The following ALDH1L1 variants were observed in gnomAD, a reference collection of about 807,000 sequenced individuals.
ALDH1L1 encodes aldehyde dehydrogenase 1 family member L1, also known as cytosolic 10-formyltetrahydrofolate dehydrogenase.
A neutral mutation model predicts 101.1 loss-of-function variants in ALDH1L1; 68 were observed. That is an observed-to-expected ratio of 0.67 (90% CI 0.55 to 0.82). The LOEUF is 0.82. ALDH1L1 is among the 40% of genes least tolerant of loss of function. The probability of loss-of-function intolerance (pLI) is 0.00; values close to 1 mark genes in which losing one functional copy is unlikely to be tolerated. For synonymous variants in ALDH1L1, 486 were observed against 470.8 expected, an observed-to-expected ratio of 1.03 and a Z score of -0.42; for missense variants, 1,087 against 1,172.7, an observed-to-expected ratio of 0.93 and a Z score of 1.07.
chr3:126,103,736 G>A lies in ALDH1L1; in HGVS notation c.*55C>T, dbSNP rs1012096859. The A allele has an allele frequency of 1.4e-5, 23 of 1,586,682 alleles. No homozygotes were observed. The highest frequency in any genetic ancestry group is 1.8e-5 in the Non-Finnish European group (21 of 1,161,154). On this transcript the variant is annotated 3_prime_UTR_variant, in exon 23 of 23. Transcript: ENST00000393434. ...GCTGTGCACCCAGGCTCAAGAGGGA[G>A]GGGGCCCCAGCCACGAGGGAGGGGC...
At chr3:126,185,678 C>T (rs1200496461), upstream of ALDH1L1, among the ~76,000 whole-genome samples, 3 of 152,050 alleles carry the variant, frequency 2.0e-5, no homozygotes, top group African/African-American at 7.3e-5. Context: ...GTCACGAGGC[C>T]ACAACATGGG....
In ALDH1L1 at chr3:126,158,573, GCCTGT is replaced by G. The variant is rs753040828; in HGVS notation, c.189_193del (p.Gln64PhefsTer3). On this transcript the variant is annotated frameshift_variant, in exon 3 of 23. Coordinates refer to ENST00000393434, the MANE Select transcript of ALDH1L1 (RefSeq NM_012190.4). LOFTEE classifies it high-confidence loss of function. Reference sequence around the variant, plus strand: ...GTATTTTGCCACCACATCAGGCAAAGCCTGTCCTTTTGCACGCCACCGGGAGTACT... The same window carrying G: ...GTATTTTGCCACCACATCAGGCAAAGCCTTTTGCACGCCACCGGGAGTACT... 6.2e-7 allele frequency: 1 copy of G among 1,614,108 alleles called. No homozygotes were observed. Among genetic ancestry groups the G allele is most frequent in the African/African-American group, 1.3e-5 (1 of 74,950 alleles).
In ALDH1L1 at chr3:126,112,769, G is replaced by T; in HGVS notation, c.2181+13C>A. The T allele has an allele frequency of 6.2e-7, 1 of 1,611,948 alleles. No homozygotes were observed. Among genetic ancestry groups the T allele is most frequent in the Non-Finnish European group, 8.5e-7 (1 of 1,179,678 alleles). ...GTGAACCAGCCGCCCGCAGACCCTG[G>T]GGCAGGACTTACCACTCTCCGCACG... On this transcript the variant is annotated intron_variant, in intron 19 of 22. Coordinates refer to ENST00000393434, the MANE Select transcript of ALDH1L1 (RefSeq NM_012190.4).
At chr3:126,178,380 C>CAAAAAAAAAAAAAAAAAAAA (rs56979863) in intron 1 of ALDH1L1, among the ~76,000 whole-genome samples, 1 of 73,468 alleles carries the variant, frequency 1.4e-5, no homozygotes, top group Non-Finnish European at 3.2e-5. Flanking sequence ...GACCCTGTCT[C>CAAAAAAAAAAAAAAAAAAAA]AAAAAAAAAA....
chr3:126,114,299 TAC>T (rs565726728), intron 18 of ALDH1L1, among the ~76,000 whole-genome samples: 2 of 152,058 alleles, frequency 1.3e-5, no homozygotes, highest in African/African-American at 4.8e-5. Flanking sequence ...TTATATGTAA[TAC>T]ACACACACAC....
chr3:126,187,795 G>A (rs1369739181), intron 1 of ALDH1L1, among the ~76,000 whole-genome samples: 2 of 152,170 alleles, frequency 1.3e-5, no homozygotes, highest in Non-Finnish European at 2.9e-5. Context: ...AGAGGGTCGT[G>A]CTGGAGCAGT....
At chr3:126,139,706 C>T (rs557811608) in intron 9 of ALDH1L1, among the ~76,000 whole-genome samples, 11 of 152,102 alleles carry the variant, frequency 7.2e-5, no homozygotes, top group South Asian at 2.1e-4. Context: ...ATGAGAATAT[C>T]GAAGTGACAG....
rs762898245 is a variant in ALDH1L1 at position 126,125,666 on chromosome 3, T to C, written c.1750A>G (p.Thr584Ala). ...TTCCCGGCAGCCAGGCAGGCAGCTG[T>C]CTTCCAGGACAGCATCATCAGGGGA... ...NYPLMMLSWK[T>A]AACLAAGNTV... is the part of the protein sequence containing the mutation. The change falls in exon 15 of 23, where the codon ACA becomes GCA. Residue 584 changes from threonine to alanine, a missense_variant. Transcript: ENST00000393434. 5.6e-6 allele frequency: 9 copies of C among 1,600,126 alleles called. No homozygotes were observed. In the Admixed American group the frequency reaches 1.4e-4, roughly 24 times the overall value.
intron 19 of ALDH1L1, chr3:126,110,358 T>C: frequency 1.8e-6 from 1 of 553,342 alleles, no homozygotes. Context: ...AATGGAGACA[T>C]ACAGGGGTGT....
upstream of ALDH1L1, among the ~76,000 whole-genome samples, chr3:126,183,612 G>C (rs150758825): frequency 7.2e-5 from 11 of 152,182 alleles, no homozygotes; most frequent in African/African-American, 2.7e-4. Flanking sequence ...TAGAATTGCC[G>C]TACACTAGTT....
intron 16 of ALDH1L1, among the ~76,000 whole-genome samples, chr3:126,123,813 TAAA>T (rs1167383477): frequency 1.3e-5 from 2 of 149,548 alleles, no homozygotes; most frequent in African/African-American, 4.9e-5. Flanking sequence ...TTAATCAACT[TAAA>T]AAGAGAGAGA....
chr3:126,143,515 C>T (rs926957197), intron 9 of ALDH1L1, among the ~76,000 whole-genome samples: 1 of 152,226 alleles, frequency 6.6e-6, no homozygotes, highest in Non-Finnish European at 1.5e-5. Flanking sequence ...GTAACTTAAA[C>T]TTCAGAAAGC....
chr3:126,147,727 AG>A (rs2080724515), intron 8 of ALDH1L1, among the ~76,000 whole-genome samples: 1 of 152,134 alleles, frequency 6.6e-6, no homozygotes, highest in African/African-American at 2.4e-5. Flanking sequence ...GTGAGGCATG[AG>A]ATGCTGGTCC....
intron 12 of ALDH1L1, among the ~76,000 whole-genome samples, chr3:126,132,273 G>A (rs2080327177): frequency 6.6e-6 from 1 of 152,180 alleles, no homozygotes; most frequent in East Asian, 1.9e-4. Context: ...AGAGGCAAGT[G>A]TGGGACCAAA....
intron 1 of ALDH1L1, among the ~76,000 whole-genome samples, chr3:126,163,804 G>A (rs2364370): frequency 0.63 from 95,669 of 151,978 alleles, 30,134 homozygotes; most frequent in Middle Eastern, 0.66. Flanking sequence ...TTGAAGAGCT[G>A]GTATTTTATT....
Position 126,135,546 on chromosome 3 carries a change from C to T in ALDH1L1, c.1461G>A (p.Arg487=). The change falls in exon 12 of 23, where the codon CGG becomes CGA. Residue 487 remains arginine, a synonymous_variant. Coordinates refer to ENST00000393434, the MANE Select transcript of ALDH1L1 (RefSeq NM_012190.4). ...WGKISARDRG[R]LMYRLADLME... is the part of the protein sequence containing the mutation. ...TGTTGGGCTCCCACCTGTACATCAG[C>T]CGGCCCCGGTCCCGCGCACTGATCT... is the stretch of plus-strand genomic sequence containing the variant. 1 of 1,607,788 alleles carries T rather than the reference C, an allele frequency of 6.2e-7. No individual in the cohort carries two copies.
intron 1 of ALDH1L1, chr3:126,179,960 G>T (rs558426193): frequency 6.6e-6 from 1 of 152,302 alleles, no homozygotes; most frequent in East Asian, 1.9e-4. Context: ...GAGCGCTCAC[G>T]TCGACCCCTC....
intron 22 of ALDH1L1, chr3:126,104,407 G>A (rs1012332033): frequency 1.9e-5 from 3 of 158,820 alleles, no homozygotes; most frequent in Non-Finnish European, 4.2e-5. Context: ...GTCTGCCCAG[G>A]CAGGCTGCTT....
upstream of ALDH1L1, chr3:126,180,876 A>G: frequency 6.3e-7 from 1 of 1,576,880 alleles, no homozygotes; most frequent in Non-Finnish European, 8.6e-7. Flanking sequence ...GAGCGCTGGC[A>G]AGGCTAAGTG....
Sources: gnomAD v4.1 joint callset for allele counts (sites outside exome capture counted in the v4.1 genomes callset) on GRCh38, gnomAD v4.1.1 for gene constraint, MANE v1.5 for transcripts, NCBI Gene and HGNC (gene_info 2026-07-23, HGNC 2026-07-21) for gene names.